KIAA1671: variants seen among roughly 807,000 people sequenced by gnomAD.
KIAA1671 encodes KIAA1671.
In KIAA1671, 52 loss-of-function variants were observed where a neutral mutation model predicts 131.2. That is an observed-to-expected ratio of 0.40 (90% CI 0.32 to 0.50). The LOEUF (loss-of-function observed/expected upper bound fraction) is 0.50. Ranked by LOEUF, KIAA1671 falls within the 20% of genes least tolerant of loss-of-function variation. The pLI, the probability that KIAA1671 is intolerant of heterozygous loss-of-function variation, is 0.73. For missense variants in KIAA1671, 2,360 were observed against 2,364.2 expected (o/e 1.00, Z 0.04); for synonymous variants, 1,003 against 961.6 (o/e 1.04, Z -0.80).
At chr22:25,068,582 G>A (rs8136437) in intron 6 of KIAA1671, among the ~76,000 whole-genome samples, 25,138 of 152,046 alleles carry the variant, frequency 0.17, 2,619 homozygotes, top group African/African-American at 0.3. Context: ...GACTACAGGC[G>A]CCCGCCTCCG....
At chr22:25,178,841 C>T (rs1292694632) in intron 9 of KIAA1671, among the ~76,000 whole-genome samples, 1 of 152,170 alleles carries the variant, frequency 6.6e-6, no homozygotes, top group African/African-American at 2.4e-5. Context: ...CACCATCACC[C>T]GCCTCCCCCG....
In KIAA1671 at chr22:25,038,994, C is replaced by G. The variant is rs955130651; in HGVS notation, c.1864C>G (p.His622Asp). The G allele has an allele frequency of 3.9e-6, 6 of 1,551,786 alleles. No individual in the cohort carries two copies. The highest frequency in any genetic ancestry group is 1.7e-4 in the Middle Eastern group (1 of 5,992). Residue 622 changes from histidine (H) to aspartate (D), a missense_variant, in exon 5 of 13, where the codon CAC becomes GAC. His to Asp is a moderately conservative substitution (Grantham distance 81). Transcript: ENST00000358431. ...ATVFEHHVER[H>D]TVADQSGRCL... The stretch of plus-strand genomic sequence containing the variant: ...AGTATTTGAGCACCACGTGGAGAGA[C>G]ACACAGTGGCTGACCAGTCGGGACG...
Position 25,039,134 on chromosome 22 carries a change from G to T in KIAA1671, c.2004G>T (p.Leu668=). 2 of 1,551,518 alleles carry T rather than the reference G, an allele frequency of 1.3e-6. No individual in the cohort carries two copies. Among genetic ancestry groups the T allele is most frequent in the Non-Finnish European group, 1.7e-6 (2 of 1,147,022 alleles). ...GGGACCCACCAGACATGACAAAACT[G>T]AAGAAAGAGAACTCCAGAGGGTTTG... ...LGRDPPDMTK[L]KKENSRGFDN... Residue 668 remains leucine, a synonymous_variant, in exon 5 of 13, where the codon CTG becomes CTT. Coordinates refer to ENST00000358431, the MANE Select transcript of KIAA1671 (RefSeq NM_001145206.2).
chr22:25,174,698 A>G, intron 8 of KIAA1671: 1 of 501,206 alleles, frequency 2.0e-6, no homozygotes. Context: ...CACCTCTCTG[A>G]GCCTCAGCTT....
At chr22:24,996,591 C>G (rs996556697) in intron 1 of KIAA1671, among the ~76,000 whole-genome samples, 3 of 151,830 alleles carry the variant, frequency 2.0e-5, no homozygotes, top group African/African-American at 7.3e-5. Context: ...CATGCATCCC[C>G]GAGAGAGGGA....
intron 1 of KIAA1671, chr22:25,010,843 C>G (rs1236433836): frequency 6.6e-6 from 1 of 152,166 alleles, no homozygotes; most frequent in East Asian, 1.9e-4. Flanking sequence ...AGTGGCTTAA[C>G]TATATATCAA....
chr22:25,033,574 GT>G (rs71191019), intron 4 of KIAA1671, among the ~76,000 whole-genome samples: 2,671 of 58,162 alleles, frequency 0.046, 6 homozygotes, highest in Middle Eastern at 0.11. Context: ...GTTTGTTTTC[GT>G]TTTTTTTTTT....
intron 1 of KIAA1671, among the ~76,000 whole-genome samples, chr22:24,987,832 A>T (rs189016220): frequency 6.6e-6 from 1 of 152,204 alleles, no homozygotes. Flanking sequence ...ATACTGAGAC[A>T]TGGGGAAGGA....
chr22:25,154,850 G>T (rs1933175158), intron 6 of KIAA1671, among the ~76,000 whole-genome samples: 1 of 152,232 alleles, frequency 6.6e-6, no homozygotes, highest in Non-Finnish European at 1.5e-5. Context: ...AGGCTGCTCT[G>T]CAGGGCAGAT....
intron 6 of KIAA1671, among the ~76,000 whole-genome samples, chr22:25,068,712 A>G (rs954294670): frequency 6.6e-6 from 1 of 152,126 alleles, no homozygotes; most frequent in Non-Finnish European, 1.5e-5. Context: ...CTGGGATTAC[A>G]GGCGTGAGCC....
rs1462971314 is a variant in KIAA1671 at position 25,194,986 on chromosome 22, T to C, written c.*2585T>C. On this transcript the variant is annotated 3_prime_UTR_variant, in exon 13 of 13. Coordinates refer to ENST00000358431, the MANE Select transcript of KIAA1671 (RefSeq NM_001145206.2). The stretch of plus-strand genomic sequence containing the variant: ...CAAGGAGGCGTTGTATGCTAGTTTC[T>C]AGACTTTGCCTGGAGACCCCTTTGG... 1 of 152,244 alleles carries C rather than the reference T, an allele frequency of 6.6e-6. No homozygotes were observed. The highest frequency in any genetic ancestry group is 1.5e-5 in the Non-Finnish European group (1 of 68,040). The allele number at this position is 152,244 out of a possible 1,614,324, so 9.4% of individuals were successfully genotyped here. A position where few individuals can be genotyped will look rare whatever the true frequency, so the allele number is the denominator to read the frequency against.
chr22:24,972,251 A>C (rs1322598132), intron 1 of KIAA1671, among the ~76,000 whole-genome samples: 1 of 152,206 alleles, frequency 6.6e-6, no homozygotes, highest in African/African-American at 2.4e-5. Context: ...CACTTGCTAC[A>C]TGTTTTATAT....
At chr22:25,023,599 G>A (rs1165160889) in intron 1 of KIAA1671, 3 of 152,246 alleles carry the variant, frequency 2.0e-5, no homozygotes, top group Non-Finnish European at 4.4e-5. Context: ...AGAATCATAG[G>A]TTTCTAGGTT....
chr22:25,147,184 T>G (rs564025761), intron 6 of KIAA1671, among the ~76,000 whole-genome samples: 2 of 129,464 alleles, frequency 1.5e-5, no homozygotes, highest in African/African-American at 9.1e-5. Context: ...TTTATTTTAT[T>G]TTATTTTATT....
intron 1 of KIAA1671, among the ~76,000 whole-genome samples, chr22:24,967,235 A>G (rs928237082): frequency 2.0e-5 from 3 of 152,178 alleles, no homozygotes; most frequent in Non-Finnish European, 4.4e-5. Context: ...TTAGGGAGGT[A>G]CTGTTAGGTG....
chr22:25,015,391 C>T (rs927959073), intron 1 of KIAA1671, among the ~76,000 whole-genome samples: 4 of 151,928 alleles, frequency 2.6e-5, no homozygotes, highest in Non-Finnish European at 5.9e-5. Context: ...GAGAAAAACA[C>T]GGGGGGAAAC....
chr22:25,107,733 G>A (rs924756973), intron 6 of KIAA1671, among the ~76,000 whole-genome samples: 4 of 151,830 alleles, frequency 2.6e-5, no homozygotes, highest in Admixed American at 2.6e-4. Context: ...ATTATTGGCC[G>A]GGCATGGTGG....
At chr22:25,168,695 G>C (rs953896768) in intron 6 of KIAA1671, among the ~76,000 whole-genome samples, 3 of 144,462 alleles carry the variant, frequency 2.1e-5, no homozygotes, top group Non-Finnish European at 4.6e-5. Flanking sequence ...TCCATCTAGG[G>C]AAAAAAAAAA....
intron 11 of KIAA1671, among the ~76,000 whole-genome samples, chr22:25,188,444 TCGGGTG>T (rs1568999426): frequency 3.3e-5 from 4 of 120,646 alleles, no homozygotes; most frequent in African/African-American, 1.3e-4. Context: ...ACAGAGCCAA[TCGGGTG>T]TGTGTGTGTG....
Sources: gnomAD v4.1 joint callset for allele counts (sites outside exome capture counted in the v4.1 genomes callset) on GRCh38, gnomAD v4.1.1 for gene constraint, MANE v1.5 for transcripts, NCBI Gene and HGNC (gene_info 2026-07-23, HGNC 2026-07-21) for gene names.